The following NUMA1 variants were observed in gnomAD, a reference collection of about 807,000 sequenced individuals.
NUMA1 encodes SP-H antigen.
In NUMA1, 62 loss-of-function variants were observed where a neutral mutation model predicts 237.1. The ratio of observed to expected loss-of-function variants is 0.26; its 90% CI spans 0.21 to 0.32. The LOEUF is 0.32. NUMA1 is among the 10% of genes least tolerant of loss of function. The probability of loss-of-function intolerance (pLI) is 1.00; values close to 1 mark genes in which losing one functional copy is unlikely to be tolerated. For missense variants in NUMA1, 2,533 were observed against 2,666.5 expected (o/e 0.95, Z 1.10); for synonymous variants, 1,028 against 1,066.1 (o/e 0.96, Z 0.70).
At chr11:72,075,314 A>C (rs1232783850) in intron 1 of NUMA1, among the ~76,000 whole-genome samples, 1 of 152,166 alleles carries the variant, frequency 6.6e-6, no homozygotes, top group Non-Finnish European at 1.5e-5. Flanking sequence ...TAAGGGGAAA[A>C]CAGAAGACAA....
intron 17 of NUMA1, 144 bp downstream of exon 17, chr11:72,010,642 C>A: frequency 1.3e-6 from 1 of 756,960 alleles, no homozygotes; most frequent in South Asian, 1.7e-5. Flanking sequence ...CATGCAGGGG[C>A]TTCTAAGCCA....
chr11:72,023,216 G>T, intron 5 of NUMA1, 69 bp from the exon 6 acceptor site: 1 of 1,134,226 alleles, frequency 8.8e-7, no homozygotes, highest in Non-Finnish European at 1.3e-6. Context: ...CCAGAACACT[G>T]AAATCTGGGG....
At chr11:72,060,230 C>G (rs1459271286) in intron 2 of NUMA1, among the ~76,000 whole-genome samples, 1 of 152,180 alleles carries the variant, frequency 6.6e-6, no homozygotes, top group Admixed American at 6.6e-5. Context: ...CGTAGCCACG[C>G]CCATTCATTT....
chr11:72,028,767 TAG>T (rs1367974670), intron 4 of NUMA1, among the ~76,000 whole-genome samples: 7 of 152,246 alleles, frequency 4.6e-5, no homozygotes, highest in Admixed American at 4.6e-4. Context: ...ATGAGATTTC[TAG>T]GTGTTTCTTC....
At chr11:72,031,901 G>C (rs557603050) in intron 3 of NUMA1, among the ~76,000 whole-genome samples, 88 of 151,840 alleles carry the variant, frequency 5.8e-4, no homozygotes, top group Non-Finnish European at 1.0e-3. Flanking sequence ...AGGACGAGGA[G>C]GGAGAATCGC....
At chr11:72,010,894 TC>T (rs1373531816) in intron 16 of NUMA1, 40 bp from the exon 17 acceptor site, 1 of 1,554,788 alleles carries the variant, frequency 6.4e-7, no homozygotes, top group Admixed American at 1.7e-5. Flanking sequence ...CAGGAGGACT[TC>T]CCCTGGATGT....
intron 22 of NUMA1, 145 bp downstream of exon 22, chr11:72,005,890 G>C: frequency 4.3e-6 from 3 of 697,166 alleles, no homozygotes; most frequent in Non-Finnish European, 7.2e-6. Flanking sequence ...AAGGCCCTGA[G>C]GCTGCAGGAA....
In NUMA1 at chr11:72,005,356, G is replaced by C; in HGVS notation, c.5706C>G (p.Phe1902Leu). The change falls in exon 23 of 27, where the codon TTC (phenylalanine) becomes TTG (leucine). Residue 1902 changes from phenylalanine to leucine, a missense_variant. Transcript: ENST00000393695. ...SSGAPPGRNS[F>L]YMGTCQDEPE... ...GCTCATCCTGGCAAGTGCCCATGTA[G>C]AAGCTGTTCCTTCCTGTGGAAGGCA... is the stretch of plus-strand genomic sequence containing the variant. 1 of 1,607,792 alleles carries C rather than the reference G, an allele frequency of 6.2e-7. No individual in the cohort carries two copies. Among genetic ancestry groups the C allele is most frequent in the Non-Finnish European group, 8.5e-7 (1 of 1,177,316 alleles).
rs1247181492 is a variant in NUMA1, at chr11:72,016,200, T to C, written c.1303A>G (p.Arg435Gly). The C allele has an allele frequency of 1.2e-6, 2 of 1,611,014 alleles. No homozygotes were observed. The highest frequency in any genetic ancestry group is 1.7e-6 in the Non-Finnish European group (2 of 1,177,734). Residue 435 changes from arginine to glycine, a missense_variant, in exon 15 of 27, where the codon AGG (arginine) becomes GGG (glycine). Arg to Gly is a moderately radical substitution (Grantham distance 125). This residue lies in a region of NUMA1 where 1,414 missense variants were observed against 1,508.1 expected (regional missense o/e 0.94). Coordinates refer to ENST00000393695, the MANE Select transcript of NUMA1 (RefSeq NM_006185.4). ...CGCTCAGTCTCCAGCATCTCTACCC[T>C]GGCTTGGAGCTGTGTGTTGTTTGCA... ...LAANNTQLQA[R>G]VEMLETERGQ... is the part of the protein sequence containing the mutation.
intron 2 of NUMA1, among the ~76,000 whole-genome samples, chr11:72,069,550 G>A (rs187842437): frequency 4.1e-4 from 63 of 152,294 alleles, no homozygotes; most frequent in African/African-American, 1.5e-3. Context: ...GGACTTCTCT[G>A]CAGTGGCCTC....
intron 4 of NUMA1, among the ~76,000 whole-genome samples, chr11:72,027,595 C>G (rs998489717): frequency 2.6e-5 from 4 of 151,492 alleles, no homozygotes; most frequent in Non-Finnish European, 5.9e-5. Flanking sequence ...GAGAAAAAAG[C>G]AGGAAACAAA....
chr11:72,048,190 G>C (rs533653780), intron 2 of NUMA1, among the ~76,000 whole-genome samples: 249 of 152,008 alleles, frequency 1.6e-3, no homozygotes, highest in Middle Eastern at 6.8e-3. Flanking sequence ...TCTGCCTCCC[G>C]GGTTCATGTG....
rs1182758215 is a variant in NUMA1 at position 72,019,462 on chromosome 11, C to A, written c.584+32G>T. 3.1e-6 allele frequency: 5 copies of A among 1,607,136 alleles called. No homozygotes were observed. In the South Asian group the frequency reaches 5.5e-5, roughly 18 times the overall value. On this transcript the variant is annotated intron_variant, in intron 9 of 26. Transcript: ENST00000393695. ...TGTGAGGAATGGATGGATGCTGAGG[C>A]CCTATCCCAGGAGGAGAGGCCCAGA...
In NUMA1 at chr11:72,007,357, G is replaced by A. The variant is rs756937216; in HGVS notation, c.5295C>T (p.Pro1765=). 2.5e-6 allele frequency: 4 copies of A among 1,613,672 alleles called. No homozygotes were observed. The highest frequency in any genetic ancestry group is 4.5e-5 in the East Asian group (2 of 44,866). Residue 1765 remains proline, a synonymous_variant, in exon 21 of 27, where the codon CCC becomes CCT. Transcript: ENST00000393695. ...AGAGACTCTCCAGGGATTCTACCTT[G>A]GGGGGCAGGCGCTGGGAGATAGGTG... ...PASPISQRLP[P]KVESLESLYF...
rs1173251798 is a variant in NUMA1 at position 72,023,050 on chromosome 11, G to A, written c.291+15C>T. The A allele has an allele frequency of 3.7e-6, 6 of 1,602,298 alleles. No homozygotes were observed. Among genetic ancestry groups the A allele is most frequent in the African/African-American group, 1.3e-5 (1 of 74,636 alleles). ...AACCCTGCCCTGCCTCCCCAGTCTG[G>A]TATTCCATAGGTACCTTCGCCAGTT... On this transcript the variant is annotated intron_variant, in intron 6 of 26. Coordinates refer to ENST00000393695, the MANE Select transcript of NUMA1 (RefSeq NM_006185.4).
At chr11:72,049,029 A>G (rs986822962) in intron 2 of NUMA1, among the ~76,000 whole-genome samples, 4 of 152,182 alleles carry the variant, frequency 2.6e-5, no homozygotes, top group Admixed American at 6.5e-5. Flanking sequence ...AGGGCAAATC[A>G]AAACCCAGAG....
chr11:72,053,787 C>T (rs1269067080), intron 2 of NUMA1, among the ~76,000 whole-genome samples: 2 of 152,096 alleles, frequency 1.3e-5, no homozygotes, highest in South Asian at 4.1e-4. Context: ...GTGGATTCAA[C>T]CAACCTGAGA....
At position 72,004,636 on chromosome 11, in the gene NUMA1, C is replaced by T. The variant is rs1955554774; in HGVS notation, c.6006+4G>A. 2 of 1,611,648 alleles carry T rather than the reference C, an allele frequency of 1.2e-6. No homozygotes were observed. Among genetic ancestry groups the T allele is most frequent in the Middle Eastern group, 2.1e-4 (1 of 4,808 alleles). ...GAGTAACACCCAGGAGCCACCGCGCCTACCTCAGGAGTTCCAGGGCCCTGG... is the reference window on the plus strand; with the variant it reads ...GAGTAACACCCAGGAGCCACCGCGCTTACCTCAGGAGTTCCAGGGCCCTGG... On this transcript the variant is annotated splice_donor_region_variant and intron_variant, in intron 24 of 26. Coordinates refer to ENST00000393695, the MANE Select transcript of NUMA1 (RefSeq NM_006185.4).
chr11:72,020,325 G>A (rs1237761563), intron 8 of NUMA1: 1 of 152,170 alleles, frequency 6.6e-6, no homozygotes, highest in East Asian at 1.9e-4. Context: ...TCCACCTGAA[G>A]GTCTCATGAG....
Sources: allele counts gnomAD v4.1 joint callset (sites outside exome capture counted in the v4.1 genomes callset), GRCh38; gene constraint gnomAD v4.1.1; regional missense constraint gnomAD v4.1.1; transcripts MANE v1.5; gene names NCBI Gene and HGNC (gene_info 2026-07-23, HGNC 2026-07-21).